HECW1: variants seen among roughly 807,000 people sequenced by gnomAD.
The protein encoded by HECW1 is E3 ubiquitin-protein ligase HECW1.
A neutral mutation model predicts 182.3 loss-of-function variants in HECW1; 61 were observed. That is an observed-to-expected ratio of 0.33 (90% CI 0.27 to 0.41). The LOEUF (loss-of-function observed/expected upper bound fraction) is 0.41. HECW1 is among the 10% of genes least tolerant of loss of function. The pLI, the probability that HECW1 is intolerant of heterozygous loss-of-function variation, is 1.00. For missense variants in HECW1, 1,739 were observed against 2,108.9 expected (o/e 0.82, Z 3.44); for synonymous variants, 859 against 832.6 (o/e 1.03, Z -0.55).
intron 5 of HECW1, among the ~76,000 whole-genome samples, chr7:43,347,267 A>AT (rs58042420): frequency 4.0e-5 from 6 of 151,220 alleles, no homozygotes; most frequent in South Asian, 2.1e-4. Flanking sequence ...ATTTAATTTA[A>AT]TTTTTTTTTT....
intron 29 of HECW1, among the ~76,000 whole-genome samples, chr7:43,560,877 A>C (rs1000165423): frequency 2.0e-5 from 3 of 152,160 alleles, no homozygotes; most frequent in Non-Finnish European, 4.4e-5. Context: ...GGTGTCTGAA[A>C]ACACCATTTC....
intron 17 of HECW1, among the ~76,000 whole-genome samples, chr7:43,483,855 T>TTATA (rs991587104): frequency 1.3e-5 from 2 of 151,974 alleles, no homozygotes; most frequent in African/African-American, 4.8e-5. Flanking sequence ...AGCCACAAAC[T>TTATA]TATATTTTTA....
chr7:43,457,332 A>G (rs2077435297), intron 13 of HECW1, among the ~76,000 whole-genome samples: 1 of 152,204 alleles, frequency 6.6e-6, no homozygotes, highest in Non-Finnish European at 1.5e-5. Context: ...GTCAAGTATG[A>G]AAAGTATGAA....
At chr7:43,336,657 T>C (rs1033785645) in intron 5 of HECW1, among the ~76,000 whole-genome samples, 43 of 152,162 alleles carry the variant, frequency 2.8e-4, no homozygotes, top group African/African-American at 1.0e-3. Context: ...ACCCAAATAT[T>C]GAATATTGAA....
chr7:43,219,951 T>C (rs527503166), intron 2 of HECW1, among the ~76,000 whole-genome samples: 39 of 152,224 alleles, frequency 2.6e-4, no homozygotes, highest in African/African-American at 9.4e-4. Context: ...CCCTCCAGTG[T>C]GGTGCTGCTG....
At chr7:43,449,529 A>T (rs573680749) in intron 11 of HECW1, among the ~76,000 whole-genome samples, 1 of 152,334 alleles carries the variant, frequency 6.6e-6, no homozygotes, top group East Asian at 1.9e-4. Flanking sequence ...TTTATTTTTG[A>T]TCAGTTCCGT....
intron 2 of HECW1, among the ~76,000 whole-genome samples, chr7:43,123,774 T>G (rs939058596): frequency 1.3e-5 from 2 of 152,098 alleles, no homozygotes; most frequent in Non-Finnish European, 2.9e-5. Context: ...TGTGGAATAG[T>G]GGTACCATAG....
chr7:43,281,039 A>G (rs2152747725), intron 3 of HECW1, among the ~76,000 whole-genome samples: 1 of 152,130 alleles, frequency 6.6e-6, no homozygotes, highest in African/African-American at 2.4e-5. Flanking sequence ...ATGGCTTAAG[A>G]TTCTAGGATC....
At chr7:43,241,778 A>T (rs2152718207) in intron 2 of HECW1, among the ~76,000 whole-genome samples, 1 of 152,252 alleles carries the variant, frequency 6.6e-6, no homozygotes, top group East Asian at 1.9e-4. Flanking sequence ...CAATTTTGCA[A>T]GATAGACATT....
chr7:43,432,431 G>A lies in HECW1; in HGVS notation c.802-5572G>A, dbSNP rs796544535. On this transcript the variant is annotated intron_variant, in intron 8 of 29. Coordinates refer to ENST00000395891, the MANE Select transcript of HECW1 (RefSeq NM_015052.5). The surrounding 1 kb of genome is among the most constrained non-coding windows in gnomAD (Gnocchi z 4.1). ...TGGGATTACAGGTGTGAGCCACCGC[G>A]CCCGGCCCAGTTGTTTATTTTTTAA... is the stretch of plus-strand genomic sequence containing the variant. Among the ~76,000 whole-genome samples, 2 of 152,120 alleles carry A rather than the reference G, an allele frequency of 1.3e-5. No homozygotes were observed. Among genetic ancestry groups the A allele is most frequent in the Non-Finnish European group, 2.9e-5 (2 of 68,012 alleles).
chr7:43,399,436 C>T (rs531301954), intron 7 of HECW1, among the ~76,000 whole-genome samples: 2 of 152,272 alleles, frequency 1.3e-5, no homozygotes, highest in African/African-American at 4.8e-5. Flanking sequence ...ATGATTAATA[C>T]CAACCTTCAA....
At chr7:43,278,439 C>T (rs572514551) in intron 3 of HECW1, among the ~76,000 whole-genome samples, 4 of 152,216 alleles carry the variant, frequency 2.6e-5, no homozygotes, top group South Asian at 4.1e-4. Context: ...ATCACTGCAG[C>T]GGCTTCCCAC....
chr7:43,139,515 T>A (rs1394523544), intron 2 of HECW1, among the ~76,000 whole-genome samples: 1 of 152,046 alleles, frequency 6.6e-6, no homozygotes, highest in Non-Finnish European at 1.5e-5. Context: ...TTAATTAATG[T>A]CATATTTTCT....
chr7:43,228,408 G>A lies in HECW1; in HGVS notation c.-31-15467G>A, dbSNP rs956944259. ...TAAAAAATAATAGCAAGCTTGAGTA[G>A]ATAAGGCTTTAAAGAACAAGATCAG... is the stretch of plus-strand genomic sequence containing the variant. On this transcript the variant is annotated intron_variant, in intron 2 of 29. Transcript: ENST00000395891. 1.4e-4 allele frequency among the ~76,000 whole-genome samples: 22 copies of A among 151,948 alleles called. 1 individual carries two copies. The highest frequency in any genetic ancestry group is 1.2e-3 in the Admixed American group (19 of 15,266).
intron 29 of HECW1, among the ~76,000 whole-genome samples, chr7:43,558,860 G>A: frequency 6.6e-6 from 1 of 152,126 alleles, no homozygotes; most frequent in Non-Finnish European, 1.5e-5. Context: ...GAGCGGTATG[G>A]GCTTCTGGAT....
At chr7:43,295,137 CAA>C (rs1805876763) in intron 3 of HECW1, among the ~76,000 whole-genome samples, 1 of 151,462 alleles carries the variant, frequency 6.6e-6, no homozygotes, top group Admixed American at 6.6e-5. Flanking sequence ...AACAATAGGG[CAA>C]AAAAAGAAAA....
Position 43,234,514 on chromosome 7 carries a change from T to G in HECW1, c.-31-9361T>G, listed in dbSNP as rs527810125. ...AGATGCTCTCCCACCTCAGGCCTTTTTTTTTGCCTGGAATATTCTTCCCTT... is the reference window on the plus strand; with the variant it reads ...AGATGCTCTCCCACCTCAGGCCTTTGTTTTTGCCTGGAATATTCTTCCCTT... On this transcript the variant is annotated intron_variant, in intron 2 of 29. Transcript: ENST00000395891. Among the ~76,000 whole-genome samples, 944 of 152,190 alleles carry G rather than the reference T, an allele frequency of 6.2e-3. 7 individuals are homozygous for G. The highest frequency in any genetic ancestry group is 8.9e-3 in the Non-Finnish European group (607 of 68,008).
chr7:43,435,682 C>A (rs1186198927), intron 8 of HECW1, among the ~76,000 whole-genome samples: 3 of 152,108 alleles, frequency 2.0e-5, no homozygotes, highest in African/African-American at 7.2e-5. Flanking sequence ...ACTGGCAATG[C>A]TTGAGAGGGT....
intron 6 of HECW1, among the ~76,000 whole-genome samples, chr7:43,382,292 G>GA (rs1439853227): frequency 0.015 from 1,890 of 128,806 alleles, 23 homozygotes; most frequent in Non-Finnish European, 0.02. Flanking sequence ...TCTCAAAAAA[G>GA]AAAAAAAAAA....
Sources: allele counts gnomAD v4.1 joint callset (sites outside exome capture counted in the v4.1 genomes callset), GRCh38; gene constraint gnomAD v4.1.1; non-coding constraint Gnocchi (gnomAD v3.1); transcripts MANE v1.5; gene names NCBI Gene and HGNC (gene_info 2026-07-23, HGNC 2026-07-21).